The following TDRD6 variants were observed in gnomAD, a reference collection of about 807,000 sequenced individuals.
TDRD6 encodes the protein tudor domain-containing protein 6.
In TDRD6, 186 loss-of-function variants were observed where a neutral mutation model predicts 157.5. The ratio of observed to expected loss-of-function variants is 1.18; its 90% CI spans 1.05 to 1.33. The LOEUF is 1.33. Among genes scored for constraint, TDRD6 ranks in the 40% most tolerant of loss-of-function variants. TDRD6 has a pLI of 0.00. For missense variants in TDRD6, 3,066 were observed against 2,508.0 expected, an observed-to-expected ratio of 1.22 and a Z score of -4.75; for synonymous variants, 1,075 against 945.2, an observed-to-expected ratio of 1.14 and a Z score of -2.52.
Position 46,688,111 on chromosome 6 carries a change from C to G in TDRD6, c.-18C>G. ...GGCCCTTAATTTCCGGAAGTGGGGGCCGCGCCGCGCCGTCAAGATGTGCTC... is the reference window on the plus strand; with the variant it reads ...GGCCCTTAATTTCCGGAAGTGGGGGGCGCGCCGCGCCGTCAAGATGTGCTC... On this transcript the variant is annotated 5_prime_UTR_variant, in exon 1 of 4. Coordinates refer to ENST00000316081, the MANE Select transcript of TDRD6 (RefSeq NM_001010870.3). The G allele has an allele frequency of 6.8e-7, 1 of 1,474,396 alleles. No individual in the cohort carries two copies. The highest frequency in any genetic ancestry group is 8.9e-7 in the Non-Finnish European group (1 of 1,123,296). 91.3% of individuals were successfully genotyped at this position (1,474,396 alleles called of 1,614,324 possible).
At position 46,703,469 on chromosome 6, in the gene TDRD6, G is replaced by T. The variant is rs369767010; in HGVS notation, c.*1582G>T. On this transcript the variant is annotated 3_prime_UTR_variant, in exon 4 of 4. Coordinates refer to ENST00000316081, the MANE Select transcript of TDRD6 (RefSeq NM_001010870.3). Reference sequence around the variant, plus strand: ...GATTATAGGAAGCCTTCAATTTCAAGCTGAGTTTAACTCCCTATTTTAAAA... The same window carrying T: ...GATTATAGGAAGCCTTCAATTTCAATCTGAGTTTAACTCCCTATTTTAAAA... 6.6e-6 allele frequency: 1 copy of T among 152,012 alleles called. No individual in the cohort carries two copies. Among genetic ancestry groups the T allele is most frequent in the East Asian group, 1.9e-4 (1 of 5,188 alleles). The allele number at this position is 152,012 out of a possible 1,614,324, so 9.4% of individuals were successfully genotyped here. A position where few individuals can be genotyped will look rare whatever the true frequency, so the allele number is the denominator to read the frequency against.
intron 3 of TDRD6, among the ~76,000 whole-genome samples, chr6:46,700,037 T>TA (rs1305597653): frequency 6.6e-6 from 1 of 152,194 alleles, no homozygotes; most frequent in African/African-American, 2.4e-5. Flanking sequence ...AGGTCAAAAA[T>TA]ACCAGCCTAC....
At position 46,689,142 on chromosome 6, in the gene TDRD6, G is replaced by A; in HGVS notation, c.1014G>A (p.Gln338=). ...TGTTGCTTGAGACTTTTCGGCCCCA[G>A]CGCTGTGCCCAGGTGCTTCATGTGG... is the stretch of plus-strand genomic sequence containing the variant. ...RALLLETFRP[Q]RCAQVLHVDY... The change falls in exon 1 of 4, where the codon CAG becomes CAA. Residue 338 remains glutamine, a synonymous_variant. Transcript: ENST00000316081. 1 of 1,614,228 alleles carries A rather than the reference G, an allele frequency of 6.2e-7. No individual in the cohort carries two copies. The highest frequency in any genetic ancestry group is 8.5e-7 in the Non-Finnish European group (1 of 1,180,034).
At chr6:46,701,057 T>C (rs921165561) in intron 3 of TDRD6, 10 of 442,000 alleles carry the variant, frequency 2.3e-5, no homozygotes, top group Non-Finnish European at 4.7e-5. Flanking sequence ...GATACCACTA[T>C]TAAAGGTAAC....
At chr6:46,681,541 CA>C in the TDRD6 span, 1 of 470,930 alleles carries the variant, frequency 2.1e-6, no homozygotes, top group South Asian at 1.5e-5. Flanking sequence ...CTGTGATTGT[CA>C]ACAGCAGCAG....
At chr6:46,696,509 ATG>A (rs1562060387) in intron 2 of TDRD6, among the ~76,000 whole-genome samples, 4 of 134,902 alleles carry the variant, frequency 3.0e-5, no homozygotes, top group African/African-American at 1.1e-4. Context: ...TGTAATATAT[ATG>A]TATATATATG....
At chr6:46,701,686 A>C (rs1764627562) in intron 3 of TDRD6, among the ~76,000 whole-genome samples, 172 bp from the exon 4 acceptor site, 1 of 152,222 alleles carries the variant, frequency 6.6e-6, no homozygotes. Context: ...AATATTAATA[A>C]GAAAATAAAA....
At chr6:46,701,769 T>C in intron 3 of TDRD6, 89 bp from the exon 4 acceptor site, 1 of 1,318,326 alleles carries the variant, frequency 7.6e-7, no homozygotes, top group East Asian at 2.3e-5. Flanking sequence ...TTAGAGAACA[T>C]TACATTTGTC....
Position 46,692,095 on chromosome 6 carries a change from C to T in TDRD6, c.3967C>T (p.Gln1323Ter), listed in dbSNP as rs1267454981. 35 of 1,612,792 alleles carry T rather than the reference C, an allele frequency of 2.2e-5. No individual in the cohort carries two copies. The highest frequency in any genetic ancestry group is 2.9e-5 in the Non-Finnish European group (34 of 1,179,440). Residue 1323 changes from glutamine (Q) to a stop codon, truncating the protein, a stop_gained, in exon 1 of 4, where the codon CAA becomes TAA. Coordinates refer to ENST00000316081, the MANE Select transcript of TDRD6 (RefSeq NM_001010870.3). LOFTEE classifies it high-confidence loss of function. ...HINDLSDFYV[Q>*]LIEDEAEISH... ...AAATGACCTTTCAGACTTTTATGTT[C>T]AACTAATAGAAGATGAAGCTGAAAT...
rs369479623 is a variant in TDRD6, at chr6:46,693,433, C to T, written c.5305C>T (p.Arg1769Cys). Residue 1769 changes from arginine (R) to cysteine (C), a missense_variant, in exon 1 of 4, where the codon CGT (arginine) becomes TGT (cysteine). By Grantham distance (180) the Arg-to-Cys change is radical. Coordinates refer to ENST00000316081, the MANE Select transcript of TDRD6 (RefSeq NM_001010870.3). Reference sequence around the variant, plus strand: ...TATTGGAACCAAACCAAGTAACTTCCGTGACCCTAAAACTGATAACATTTG... The same window carrying T: ...TATTGGAACCAAACCAAGTAACTTCTGTGACCCTAAAACTGATAACATTTG... Reference protein sequence around the residue: ...NIIGTKPSNFRDPKTDNICEG... With the variant: ...NIIGTKPSNFCDPKTDNICEG... 468 of 1,614,068 alleles carry T rather than the reference C, an allele frequency of 2.9e-4. No individual in the cohort carries two copies. The highest frequency in any genetic ancestry group is 3.8e-4 in the Non-Finnish European group (453 of 1,180,012).
chr6:46,694,003 C>G lies in TDRD6; in HGVS notation c.5875C>G (p.Leu1959Val). 1 of 1,613,752 alleles carries G rather than the reference C, an allele frequency of 6.2e-7. No homozygotes were observed. The highest frequency in any genetic ancestry group is 8.5e-7 in the Non-Finnish European group (1 of 1,179,896). The change falls in exon 1 of 4, where the codon CTA becomes GTA. Residue 1959 changes from leucine to valine, a missense_variant. Coordinates refer to ENST00000316081, the MANE Select transcript of TDRD6 (RefSeq NM_001010870.3). ...FDDQRRMSLH[L>V]HGADCDPKTQ... ...TGACCAGCGCAGGATGTCATTGCATCTACATGGAGCAGATTGTGATCCTAA... is the reference window on the plus strand; with the variant it reads ...TGACCAGCGCAGGATGTCATTGCATGTACATGGAGCAGATTGTGATCCTAA...
chr6:46,683,732 CAT>C (rs1458202746), upstream of TDRD6, among the ~76,000 whole-genome samples: 8 of 130,216 alleles, frequency 6.1e-5, no homozygotes, highest in East Asian at 1.8e-3. Context: ...CAACTTATTA[CAT>C]GTTTCCTGTG....
At position 46,688,935 on chromosome 6, in the gene TDRD6, C is replaced by A; in HGVS notation, c.807C>A (p.Leu269=). 1 of 1,611,194 alleles carries A rather than the reference C, an allele frequency of 6.2e-7. No homozygotes were observed. The change falls in exon 1 of 4, where the codon CTC becomes CTA. Residue 269 remains leucine (L), a synonymous_variant. Transcript: ENST00000316081. ...VCHPHRIHCQ[L]RSVSQEIHRL... The stretch of plus-strand genomic sequence containing the variant: ...ATCCCCACCGCATTCACTGCCAGCT[C>A]CGCAGCGTCTCGCAGGAGATCCACC...
intron 2 of TDRD6, among the ~76,000 whole-genome samples, chr6:46,696,474 G>GTATATATATATA (rs1286889467): frequency 3.0e-5 from 4 of 131,512 alleles, no homozygotes; most frequent in African/African-American, 1.2e-4. Flanking sequence ...GTATATGTGT[G>GTATATATATATA]TATATATATA....
Position 46,690,848 on chromosome 6 carries a change from A to G in TDRD6, c.2720A>G (p.Asn907Ser), listed in dbSNP as rs751671231. The G allele has an allele frequency of 5.6e-6, 9 of 1,613,762 alleles. No individual in the cohort carries two copies. The highest frequency in any genetic ancestry group is 2.2e-5 in the East Asian group (1 of 44,872). ...GATGTAAAGGCAATACAAGCTTTCA[A>G]TGAATTTATAGATAATGCATGGCAA... ...VWDVKAIQAFNEFIDNAWQKN... is the reference protein window; with the variant it reads ...VWDVKAIQAFSEFIDNAWQKN... The change falls in exon 1 of 4, where the codon AAT becomes AGT. Residue 907 changes from asparagine to serine, a missense_variant. Coordinates refer to ENST00000316081, the MANE Select transcript of TDRD6 (RefSeq NM_001010870.3).
intron 2 of TDRD6, among the ~76,000 whole-genome samples, chr6:46,697,548 A>G (rs375124615): frequency 7.2e-5 from 11 of 152,328 alleles, no homozygotes; most frequent in African/African-American, 2.4e-4. Context: ...AGTTTGAAAC[A>G]TAAGGTTGAA....
Position 46,689,258 on chromosome 6 carries a change from C to G in TDRD6, c.1130C>G (p.Ala377Gly), listed in dbSNP as rs1393598550. 6.2e-7 allele frequency: 1 copy of G among 1,613,918 alleles called. No individual in the cohort carries two copies. The highest frequency in any genetic ancestry group is 1.1e-5 in the South Asian group (1 of 91,068). Reference sequence around the variant, plus strand: ...ATGCCGGTGGTGACCTACCCTTGTGCTTTGTATGGACTCTGGGACGGTGGG... The same window carrying G: ...ATGCCGGTGGTGACCTACCCTTGTGGTTTGTATGGACTCTGGGACGGTGGG... ...FRMPVVTYPC[A>G]LYGLWDGGRG... Residue 377 changes from alanine (A) to glycine (G), a missense_variant, in exon 1 of 4, where the codon GCT becomes GGT. Physicochemically the swap from Ala to Gly is moderately conservative, Grantham distance 60. Coordinates refer to ENST00000316081, the MANE Select transcript of TDRD6 (RefSeq NM_001010870.3).
At chr6:46,694,746 C>T (rs1230336199) in intron 1 of TDRD6, among the ~76,000 whole-genome samples, 4 of 152,128 alleles carry the variant, frequency 2.6e-5, no homozygotes, top group Non-Finnish European at 5.9e-5. Context: ...AAGGTAATCA[C>T]ATTTAAAATG....
Position 46,689,930 on chromosome 6 carries a change from C to T in TDRD6, c.1802C>T (p.Thr601Ile), listed in dbSNP as rs753007934. 6.2e-7 allele frequency: 1 copy of T among 1,614,142 alleles called. No individual in the cohort carries two copies. The highest frequency in any genetic ancestry group is 1.7e-5 in the Admixed American group (1 of 60,024). The change falls in exon 1 of 4, where the codon ACC becomes ATC. Residue 601 changes from threonine to isoleucine, a missense_variant. Physicochemically the swap from Thr to Ile is moderately conservative, Grantham distance 89 (BLOSUM62 -1). Transcript: ENST00000316081. Reference protein sequence around the residue: ...RQLPILAVKCTLADIWPLGKT... With the variant: ...RQLPILAVKCILADIWPLGKT... ...CTACCAATATTGGCTGTGAAGTGCA[C>T]CCTGGCTGATATTTGGCCTTTGGGA...
Sources: gnomAD v4.1 joint callset for allele counts (sites outside exome capture counted in the v4.1 genomes callset) on GRCh38, gnomAD v4.1.1 for gene constraint, MANE v1.5 for transcripts, NCBI Gene and HGNC (gene_info 2026-07-23, HGNC 2026-07-21) for gene names.